Variants in DEAF1 observed in about 807,000 individuals in gnomAD.
The protein encoded by DEAF1 is deformed epidermal autoregulatory factor 1 homolog.
A neutral mutation model predicts 58.9 loss-of-function variants in DEAF1; 53 were observed. The ratio of observed to expected loss-of-function variants is 0.90; its 90% CI spans 0.72 to 1.13. The LOEUF (loss-of-function observed/expected upper bound fraction) is 1.13, where lower values mean the gene tolerates loss of function less well. Among genes scored for constraint, DEAF1 ranks in the 50% most tolerant of loss-of-function variants. The pLI is 0.00. For missense variants in DEAF1, 685 were observed against 791.4 expected (o/e 0.87, Z 1.61); for synonymous variants, 385 against 340.4 (o/e 1.13, Z -1.44).
At chr11:680,911 C>G (rs967265881) in intron 7 of DEAF1, 52 bp downstream of exon 7, 2 of 1,613,096 alleles carry the variant, frequency 1.2e-6, no homozygotes, top group African/African-American at 2.7e-5. Flanking sequence ...CGAGAGAAGG[C>G]AATGCACTCA....
chr11:689,206 T>TC (rs1860729144), intron 2 of DEAF1, among the ~76,000 whole-genome samples: 1 of 138,658 alleles, frequency 7.2e-6, no homozygotes, highest in African/African-American at 2.8e-5. Flanking sequence ...CTTTTTCTTT[T>TC]TTTTTTTTTT....
chr11:674,834 C>T (rs1048792512), intron 9 of DEAF1, 51 bp from the exon 10 acceptor site: 13 of 1,600,684 alleles, frequency 8.1e-6, no homozygotes, highest in Non-Finnish European at 1.1e-5. Context: ...CATCTCCTAG[C>T]TTCAAAATGG....
intron 9 of DEAF1, among the ~76,000 whole-genome samples, chr11:676,490 G>A (rs1480502151): frequency 6.6e-6 from 1 of 151,228 alleles, no homozygotes; most frequent in Non-Finnish European, 1.5e-5. Flanking sequence ...AATGTTCGCA[G>A]AATCAGCGCC....
At chr11:691,303 C>G (rs1860823235) in intron 2 of DEAF1, among the ~76,000 whole-genome samples, 198 bp downstream of exon 2, 1 of 152,242 alleles carries the variant, frequency 6.6e-6, no homozygotes, top group South Asian at 2.1e-4. Flanking sequence ...TCCGAGGCAG[C>G]TTCTACCTCA....
chr11:691,359 G>T, intron 2 of DEAF1, 142 bp downstream of exon 2: 1 of 766,886 alleles, frequency 1.3e-6, no homozygotes, highest in Non-Finnish European at 2.2e-6. Flanking sequence ...GCCTCTGAGA[G>T]CAGAGCGAGC....
chr11:693,896 G>C (rs1860955212), intron 1 of DEAF1, among the ~76,000 whole-genome samples: 1 of 152,236 alleles, frequency 6.6e-6, no homozygotes, highest in African/African-American at 2.4e-5. Context: ...AGGAGGAGCA[G>C]GTCCTTAGGG....
At chr11:650,103 G>A (rs1390768823) in intron 11 of DEAF1, among the ~76,000 whole-genome samples, 1 of 151,470 alleles carries the variant, frequency 6.6e-6, no homozygotes, top group Non-Finnish European at 1.5e-5. Flanking sequence ...AGACTAGTGT[G>A]GTGGTTCACA....
intron 1 of DEAF1, chr11:704,196 C>T: frequency 9.7e-7 from 1 of 1,033,156 alleles, no homozygotes; most frequent in Non-Finnish European, 1.2e-6. Context: ...AGAGCACACC[C>T]CACTTGCCAG....
At chr11:654,732 G>C (rs1013464784) in intron 10 of DEAF1, 1 of 422,566 alleles carries the variant, frequency 2.4e-6, no homozygotes, top group Admixed American at 2.5e-5. Context: ...AGCTGGGTGT[G>C]GTGGTGGCCA....
intron 10 of DEAF1, among the ~76,000 whole-genome samples, chr11:659,283 C>T (rs1041683620): frequency 6.6e-6 from 1 of 151,604 alleles, no homozygotes. Flanking sequence ...CTCTTAGCTA[C>T]CAGAGAGGCT....
At chr11:678,470 A>G in intron 9 of DEAF1, 1 of 573,868 alleles carries the variant, frequency 1.7e-6, no homozygotes, top group Non-Finnish European at 3.0e-6. Context: ...CTGCTGTACC[A>G]AAAGCAACTT....
intron 2 of DEAF1, among the ~76,000 whole-genome samples, chr11:689,352 C>CCCA (rs1240848984): frequency 6.6e-6 from 1 of 151,326 alleles, no homozygotes; most frequent in Non-Finnish European, 1.5e-5. Flanking sequence ...ACTACACACG[C>CCCA]CCACCACCAC....
intron 11 of DEAF1, among the ~76,000 whole-genome samples, chr11:653,608 GTC>G (rs758441168): frequency 7.3e-6 from 1 of 137,216 alleles, no homozygotes; most frequent in Non-Finnish European, 1.6e-5. Flanking sequence ...ACTGTGGACA[GTC>G]TCTCTCACGT....
Position 688,120 on chromosome 11 carries a change from T to C in DEAF1, c.518-63A>G. On this transcript the variant is annotated intron_variant, in intron 3 of 11. Transcript: ENST00000382409. This position sits in a 1 kb window ranked among gnomAD's most constrained non-coding sequence, Gnocchi z 4.3. ...CACCGGGAAGCATAGTACACTCTCATCTCAGACACCACCTCCCCGGCAGCG... is the reference window on the plus strand; with the variant it reads ...CACCGGGAAGCATAGTACACTCTCACCTCAGACACCACCTCCCCGGCAGCG... 5 of 1,606,510 alleles carry C rather than the reference T, an allele frequency of 3.1e-6. No individual in the cohort carries two copies. The highest frequency in any genetic ancestry group is 1.1e-5 in the South Asian group (1 of 90,536).
chr11:660,870 T>C (rs1016244497), intron 10 of DEAF1, among the ~76,000 whole-genome samples: 6 of 147,548 alleles, frequency 4.1e-5, no homozygotes, highest in Non-Finnish European at 8.8e-5. Flanking sequence ...TCGGCGCTGC[T>C]TGAGGCACCC....
chr11:667,351 GGGAT>G (rs1462016816), intron 10 of DEAF1, among the ~76,000 whole-genome samples: 2 of 133,300 alleles, frequency 1.5e-5, no homozygotes, highest in African/African-American at 6.9e-5. Context: ...AAGGAAGGGA[GGGAT>G]GGAGGGAGGG....
chr11:672,027 T>C lies in DEAF1; in HGVS notation c.1503+2509A>G, dbSNP rs1404384529. ...TGCAGTGTCACTGTCATTACCTCAA[T>C]AGTCATTGAGTGGTGTTGCTGGTGT... On this transcript the variant is annotated intron_variant, in intron 10 of 11. Coordinates refer to ENST00000382409, the MANE Select transcript of DEAF1 (RefSeq NM_021008.4). Among the ~76,000 whole-genome samples the C allele has an allele frequency of 3.3e-5, 5 of 152,126 alleles. No individual in the cohort carries two copies. The East Asian group carries it at 5.8e-4, about 18-fold the overall frequency.
At chr11:651,153 G>C (rs983204008) in intron 11 of DEAF1, 1 of 155,804 alleles carries the variant, frequency 6.4e-6, no homozygotes, top group East Asian at 1.9e-4. Context: ...AGTAGAGATG[G>C]GGTCTTACCA....
chr11:696,891 C>G (rs1861204598), upstream of DEAF1, among the ~76,000 whole-genome samples: 1 of 152,058 alleles, frequency 6.6e-6, no homozygotes, highest in South Asian at 2.1e-4. Context: ...ACCAGCCTGA[C>G]CAACATGGAG....
Sources: allele counts gnomAD v4.1 joint callset (sites outside exome capture counted in the v4.1 genomes callset), GRCh38; gene constraint gnomAD v4.1.1; non-coding constraint Gnocchi (gnomAD v3.1); transcripts MANE v1.5; gene names NCBI Gene and HGNC (gene_info 2026-07-23, HGNC 2026-07-21).